KREMEN1: variants seen among roughly 807,000 people sequenced by gnomAD.
The protein encoded by KREMEN1 is kringle containing transmembrane protein 1.
In KREMEN1, 30 loss-of-function variants were observed where a neutral mutation model predicts 46.5. That is an observed-to-expected ratio of 0.65 (90% CI 0.48 to 0.88). The LOEUF (loss-of-function observed/expected upper bound fraction) is 0.88. Among genes scored for constraint, KREMEN1 ranks in the 40% least tolerant of loss-of-function variants. The probability of loss-of-function intolerance (pLI) is 0.00; values close to 1 mark genes in which losing one functional copy is unlikely to be tolerated. For synonymous variants in KREMEN1, 214 were observed against 230.6 expected (o/e 0.93, Z 0.65); for missense variants, 533 against 596.9 (o/e 0.89, Z 1.11).
At chr22:29,164,765 A>AAAAAAAAAAC (rs2039039686) in intron 9 of KREMEN1, among the ~76,000 whole-genome samples, 1 of 147,236 alleles carries the variant, frequency 6.8e-6, no homozygotes, top group African/African-American at 2.6e-5. Context: ...AACAAAAAAA[A>AAAAAAAAAAC]AAACCCAAAA....
chr22:29,132,196 A>G (rs1017542736), intron 5 of KREMEN1, among the ~76,000 whole-genome samples: 12 of 152,158 alleles, frequency 7.9e-5, no homozygotes, highest in African/African-American at 2.9e-4. Context: ...TGATTCACCT[A>G]TGTTGTTGCC....
At chr22:29,102,083 C>G (rs1222303684) in intron 3 of KREMEN1, among the ~76,000 whole-genome samples, 1 of 152,148 alleles carries the variant, frequency 6.6e-6, no homozygotes. Flanking sequence ...TCGTAACATC[C>G]TATCTGGGTT....
rs377135754 is a variant in KREMEN1, at chr22:29,118,084, C to T, written c.353-3273C>T. Reference sequence around the variant, plus strand: ...GAGGAAAGATCTACTTTCAACCTCACGTAGTTGTTGGTAGGATTTAGTTAA... The same window carrying T: ...GAGGAAAGATCTACTTTCAACCTCATGTAGTTGTTGGTAGGATTTAGTTAA... On this transcript the variant is annotated intron_variant, in intron 3 of 8. Coordinates refer to ENST00000400335, the MANE Select transcript of KREMEN1 (RefSeq NM_001039570.3). 1.2e-4 allele frequency among the ~76,000 whole-genome samples: 18 copies of T among 152,152 alleles called. No homozygotes were observed. In the East Asian group the frequency reaches 1.3e-3, roughly 11 times the overall value.
intron 2 of KREMEN1, among the ~76,000 whole-genome samples, 185 bp downstream of exon 2, chr22:29,094,605 ACAC>A: frequency 7.1e-6 from 1 of 140,250 alleles, no homozygotes; most frequent in Non-Finnish European, 1.5e-5. Flanking sequence ...ACACACACAC[ACAC>A]ACACACAATT....
chr22:29,121,508 T>A (rs773048092), intron 4 of KREMEN1, 27 bp downstream of exon 4: 7 of 1,607,492 alleles, frequency 4.4e-6, no homozygotes, highest in Non-Finnish European at 2.5e-6. Flanking sequence ...TGTGTAACTA[T>A]AGAAAAATAT....
At chr22:29,127,219 C>T (rs878726) in intron 5 of KREMEN1, among the ~76,000 whole-genome samples, 3,754 of 152,220 alleles carry the variant, frequency 0.025, 152 homozygotes, top group African/African-American at 0.086. Context: ...CAGAAGACAG[C>T]CACATGACAT....
chr22:29,160,757 C>G (rs79434685), intron 9 of KREMEN1, among the ~76,000 whole-genome samples: 9,363 of 152,164 alleles, frequency 0.062, 396 homozygotes, highest in South Asian at 0.099. Context: ...TGATGGTGCT[C>G]AATGCCTACC....
At chr22:29,131,702 A>ATATATG (rs1556013754) in intron 5 of KREMEN1, among the ~76,000 whole-genome samples, 1 of 93,332 alleles carries the variant, frequency 1.1e-5, no homozygotes, top group Non-Finnish European at 2.3e-5. Flanking sequence ...ATATATGTGT[A>ATATATG]TATATATGTA....
At chr22:29,121,629 A>G in intron 4 of KREMEN1, 148 bp downstream of exon 4, 3 of 951,624 alleles carry the variant, frequency 3.2e-6, no homozygotes, top group Non-Finnish European at 4.6e-6. Context: ...ATTGTCTAGA[A>G]TAGGCAAATC....
At position 29,094,307 on chromosome 22, in the gene KREMEN1, A is replaced by G; in HGVS notation, c.147A>G (p.Thr49=). The part of the protein sequence containing the change: ...GADYRGTQNW[T]ALQGGKPCLF... ...ATTATAGGGGAACACAGAACTGGAC[A>G]GCACTACAAGGCGGGAAGCCATGTC... is the stretch of plus-strand genomic sequence containing the variant. Residue 49 remains threonine (T), a synonymous_variant, in exon 2 of 9, where the codon ACA becomes ACG. Coordinates refer to ENST00000400335, the MANE Select transcript of KREMEN1 (RefSeq NM_001039570.3). 1 of 1,614,022 alleles carries G rather than the reference A, an allele frequency of 6.2e-7. No homozygotes were observed. Among genetic ancestry groups the G allele is most frequent in the Non-Finnish European group, 8.5e-7 (1 of 1,179,894 alleles).
chr22:29,137,153 G>A (rs1038185351), intron 5 of KREMEN1, among the ~76,000 whole-genome samples, 189 bp from the exon 6 acceptor site: 6 of 152,168 alleles, frequency 3.9e-5, no homozygotes, highest in Admixed American at 6.5e-5. Flanking sequence ...GTCTCTGGGG[G>A]GAAAAACATC....
chr22:29,091,024 A>C (rs944737203), intron 1 of KREMEN1, among the ~76,000 whole-genome samples: 7 of 152,198 alleles, frequency 4.6e-5, no homozygotes, highest in African/African-American at 1.7e-4. Flanking sequence ...CCCCAGCTGG[A>C]GTGCAAAGGC....
chr22:29,120,890 T>C (rs2038345654), intron 3 of KREMEN1, among the ~76,000 whole-genome samples: 1 of 152,160 alleles, frequency 6.6e-6, no homozygotes, highest in Non-Finnish European at 1.5e-5. Flanking sequence ...GGAACTAATA[T>C]ATTCACCAAA....
Position 29,144,304 on chromosome 22 carries a change from A to C in KREMEN1, c.*2192A>C. On this transcript the variant is annotated 3_prime_UTR_variant, in exon 9 of 9. Transcript: ENST00000400335. ...CCACACAGGAAGTGTCTGCAGGGAG[A>C]GGTGGCACTCGGCAGCCTGAGTTCA... 3.0e-6 allele frequency: 3 copies of C among 985,658 alleles called. No homozygotes were observed. The highest frequency in any genetic ancestry group is 1.7e-5 in the African/African-American group (1 of 57,350). 61.1% of individuals were successfully genotyped at this position (985,658 alleles called of 1,614,324 possible). A position where few individuals can be genotyped will look rare whatever the true frequency, so the allele number is the denominator to read the frequency against.
rs919494379 is a variant in KREMEN1, at chr22:29,142,275, T to C, written c.*163T>C. On this transcript the variant is annotated 3_prime_UTR_variant, in exon 9 of 9. Transcript: ENST00000400335. ...TACAGACTAGGAAGAGGCACCCTGC[T>C]GCCAGGGCAGGCAGAGCCTGGATTC... 2 of 1,334,638 alleles carry C rather than the reference T, an allele frequency of 1.5e-6. No homozygotes were observed. Among genetic ancestry groups the C allele is most frequent in the African/African-American group, 3.0e-5 (2 of 66,458 alleles). 82.7% of individuals were successfully genotyped at this position (1,334,638 alleles called of 1,614,324 possible).
intron 2 of KREMEN1, among the ~76,000 whole-genome samples, chr22:29,097,555 A>G (rs1026527030): frequency 6.6e-6 from 1 of 152,214 alleles, no homozygotes; most frequent in Non-Finnish European, 1.5e-5. Flanking sequence ...AGCAAATGTG[A>G]GCCTCGTCCT....
At chr22:29,129,138 C>T (rs132274) in intron 5 of KREMEN1, among the ~76,000 whole-genome samples, 80,676 of 151,916 alleles carry the variant, frequency 0.53, 24,176 homozygotes, top group East Asian at 0.67. Flanking sequence ...AACTCACACC[C>T]CATTGCTCTG....
intron 3 of KREMEN1, among the ~76,000 whole-genome samples, chr22:29,107,779 G>A (rs908101529): frequency 6.6e-6 from 1 of 152,062 alleles, no homozygotes; most frequent in African/African-American, 2.4e-5. Context: ...AGCTACTCAG[G>A]AGGATTGCTT....
chr22:29,133,648 CTGTTTTTTTTTGTT>C (rs1037608529), intron 5 of KREMEN1, among the ~76,000 whole-genome samples: 6 of 150,616 alleles, frequency 4.0e-5, no homozygotes, highest in African/African-American at 1.2e-4. Flanking sequence ...TCTTCTTTGT[CTGTTTTTTTTTGTT>C]TGTTTTTTTT....
Sources: allele counts gnomAD v4.1 joint callset (sites outside exome capture counted in the v4.1 genomes callset), GRCh38; gene constraint gnomAD v4.1.1; transcripts MANE v1.5; gene names NCBI Gene and HGNC (gene_info 2026-07-23, HGNC 2026-07-21).